GCN1: variants seen among roughly 807,000 people sequenced by gnomAD.
The protein encoded by GCN1 is stalled ribosome sensor GCN1.
Under a neutral mutation model 288.4 loss-of-function variants are expected in GCN1, and 90 were observed. The observed-to-expected ratio is 0.31, with a 90% confidence interval of 0.26 to 0.37. The LOEUF (loss-of-function observed/expected upper bound fraction) is 0.37, where lower values mean the gene tolerates loss of function less well. Ranked by LOEUF, GCN1 falls within the 10% of genes least tolerant of loss-of-function variation. The pLI is 1.00. For synonymous variants in GCN1, 1,386 were observed against 1,420.2 expected, an observed-to-expected ratio of 0.98 and a Z score of 0.54; for missense variants, 2,586 against 3,419.9, an observed-to-expected ratio of 0.76 and a Z score of 6.08.
At chr12:120,131,757 G>A (rs1212315557) in intron 54 of GCN1, among the ~76,000 whole-genome samples, 169 bp downstream of exon 54, 3 of 152,200 alleles carry the variant, frequency 2.0e-5, no homozygotes, top group African/African-American at 7.2e-5. Context: ...GGGACTACAG[G>A]TGAGTGCCAC....
rs1193650204 is a variant in GCN1, at chr12:120,157,877, G to A, written c.3059C>T (p.Pro1020Leu). 1.2e-6 allele frequency: 2 copies of A among 1,613,892 alleles called. No individual in the cohort carries two copies. Among genetic ancestry groups the A allele is most frequent in the South Asian group, 1.1e-5 (1 of 91,080 alleles). ...LTVQAQLRAS[P>L]NTPPGRVDEN... The stretch of plus-strand genomic sequence containing the variant: ...GTCCACCCGCCCGGGTGGGGTGTTG[G>A]GGGAGGCCCTCAGCTGGGCTTGGAC... The change falls in exon 26 of 58, where the codon CCC becomes CTC. Residue 1020 changes from proline (P) to leucine (L), a missense_variant. Around this residue, in one of 8 missense-constraint regions of GCN1, gnomAD observed 153 missense variants for 252.0 expected, o/e 0.61. Transcript: ENST00000300648.
chr12:120,186,815 A>G (rs1456075048), intron 2 of GCN1, among the ~76,000 whole-genome samples: 1 of 152,246 alleles, frequency 6.6e-6, no homozygotes, highest in Non-Finnish European at 1.5e-5. Flanking sequence ...TGCTATCTCC[A>G]TGTTCAAAGC....
Position 120,189,766 on chromosome 12 carries a change from ATCAGGAGT to A in GCN1, c.121+524_121+531del, listed in dbSNP as rs1241253825. 3.3e-5 allele frequency among the ~76,000 whole-genome samples: 5 copies of A among 151,860 alleles called. No individual in the cohort carries two copies. The East Asian group carries it at 9.9e-4, about 30-fold the overall frequency. Reference sequence around the variant, plus strand: ...GGCTGAGGCAGGCGGATCACTTAAGATCAGGAGTTCAGGACCAGCCTGGCCAACATGGT... The same window carrying A: ...GGCTGAGGCAGGCGGATCACTTAAGATCAGGACCAGCCTGGCCAACATGGT... On this transcript the variant is annotated intron_variant, in intron 2 of 57. Coordinates refer to ENST00000300648, the MANE Select transcript of GCN1 (RefSeq NM_006836.2).
rs1877226294 is a variant in GCN1 at position 120,142,417 on chromosome 12, G to C, written c.5829+90C>G. The C allele has an allele frequency of 2.3e-6, 2 of 861,072 alleles. No individual in the cohort carries two copies. Among genetic ancestry groups the C allele is most frequent in the African/African-American group, 3.3e-5 (2 of 60,466 alleles). The allele number at this position is 861,072 out of a possible 1,614,324, so 53.3% of individuals were successfully genotyped here. Reference sequence around the variant, plus strand: ...TCCCTCTGTTAGGCAGGGTGGATGGGTACTTTCCCAGGCTCTGCAGACCCA... The same window carrying C: ...TCCCTCTGTTAGGCAGGGTGGATGGCTACTTTCCCAGGCTCTGCAGACCCA... On this transcript the variant is annotated intron_variant, in intron 44 of 57. Coordinates refer to ENST00000300648, the MANE Select transcript of GCN1 (RefSeq NM_006836.2). The surrounding 1 kb of genome is among the most constrained non-coding windows in gnomAD (Gnocchi z 4.9).
At chr12:120,129,161 G>T in intron 57 of GCN1, 115 bp downstream of exon 57, 1 of 866,096 alleles carries the variant, frequency 1.2e-6, no homozygotes, top group Non-Finnish European at 1.9e-6. Flanking sequence ...GCTCCTGAAA[G>T]CTAGCACATC....
chr12:120,135,073 A>G (rs528262098), intron 51 of GCN1, among the ~76,000 whole-genome samples: 2 of 152,314 alleles, frequency 1.3e-5, no homozygotes, highest in African/African-American at 4.8e-5. Context: ...TACATTAACA[A>G]GCAGGGCAGA....
At chr12:120,135,255 T>C (rs570312071) in intron 51 of GCN1, among the ~76,000 whole-genome samples, 1 of 152,348 alleles carries the variant, frequency 6.6e-6, no homozygotes, top group Admixed American at 6.5e-5. Flanking sequence ...TGCACAAATG[T>C]GTACCCACCT....
intron 1 of GCN1, among the ~76,000 whole-genome samples, chr12:120,190,844 T>C (rs1290998552): frequency 2.0e-5 from 3 of 152,164 alleles, no homozygotes; most frequent in African/African-American, 2.4e-5. Context: ...CTTTACATTA[T>C]CTCACTTTAA....
chr12:120,190,206 C>T (rs1878959034), intron 2 of GCN1, 92 bp downstream of exon 2: 2 of 663,118 alleles, frequency 3.0e-6, no homozygotes, highest in Admixed American at 2.9e-5. Context: ...GCCAGGGCAA[C>T]AGTGAGAGAC....
chr12:120,170,415 G>T, intron 14 of GCN1, 94 bp from the exon 15 acceptor site: 1 of 1,074,140 alleles, frequency 9.3e-7, no homozygotes, highest in Non-Finnish European at 1.4e-6. Context: ...TGAACCAGAC[G>T]ACTAAAACCC....
Position 120,134,866 on chromosome 12 carries a change from GTCAGAGAGGCCA to G in GCN1, c.7009-152_7009-141del. 1.4e-6 allele frequency: 1 copy of G among 694,374 alleles called. No homozygotes were observed. The highest frequency in any genetic ancestry group is 1.8e-5 in the South Asian group (1 of 54,994). The allele number at this position is 694,374 out of a possible 1,614,324, so 43.0% of individuals were successfully genotyped here. A position where few individuals can be genotyped will look rare whatever the true frequency, so the allele number is the denominator to read the frequency against. ...ATACAGGGCTGGGGACAGATAGCCC[GTCAGAGAGGCCA>G]AACACAGACAGGTTTCGCTTGGCCT... is the stretch of plus-strand genomic sequence containing the variant. On this transcript the variant is annotated intron_variant, in intron 51 of 57. Transcript: ENST00000300648. The surrounding 1 kb of genome is among the most constrained non-coding windows in gnomAD (Gnocchi z 5.0).
intron 54 of GCN1, 24 bp from the exon 55 acceptor site, chr12:120,131,357 A>T: frequency 6.2e-7 from 1 of 1,611,584 alleles, no homozygotes; most frequent in Non-Finnish European, 8.5e-7. Flanking sequence ...CACGACTGGG[A>T]TCAACCGGTA....
Position 120,174,130 on chromosome 12 carries a change from G to C in GCN1, c.1133C>G (p.Ser378Cys), listed in dbSNP as rs1336598756. Reference protein sequence around the residue: ...SVSHHVVSGPSSQVLNGIVAE... With the variant: ...SVSHHVVSGPCSQVLNGIVAE... ...CACGATCCCATTCAGGACCTGACTG[G>C]AAGGTCCAGACACCACGTGATGACT... Residue 378 changes from serine to cysteine, a missense_variant, in exon 13 of 58, where the codon TCC becomes TGC. Coordinates refer to ENST00000300648, the MANE Select transcript of GCN1 (RefSeq NM_006836.2). The C allele has an allele frequency of 4.4e-6, 7 of 1,606,842 alleles. No individual in the cohort carries two copies. Among genetic ancestry groups the C allele is most frequent in the Non-Finnish European group, 5.1e-6 (6 of 1,173,402 alleles).
Position 120,134,193 on chromosome 12 carries a change from A to G in GCN1, c.7317+98T>C. On this transcript the variant is annotated intron_variant, in intron 53 of 57. Coordinates refer to ENST00000300648, the MANE Select transcript of GCN1 (RefSeq NM_006836.2). This position sits in a 1 kb window ranked among gnomAD's most constrained non-coding sequence, Gnocchi z 5.0. ...ATGTCAGGAATGCTTATTACTACTGAGCTGTACTGGTTCTAACACAAAGTG... is the reference window on the plus strand; with the variant it reads ...ATGTCAGGAATGCTTATTACTACTGGGCTGTACTGGTTCTAACACAAAGTG... 1 of 754,964 alleles carries G rather than the reference A, an allele frequency of 1.3e-6. No individual in the cohort carries two copies. Among genetic ancestry groups the G allele is most frequent in the Middle Eastern group, 2.3e-4 (1 of 4,306 alleles). 46.8% of individuals were successfully genotyped at this position (754,964 alleles called of 1,614,324 possible). A position where few individuals can be genotyped will look rare whatever the true frequency, so the allele number is the denominator to read the frequency against.
chr12:120,173,765 A>G lies in GCN1; in HGVS notation c.1254T>C (p.Thr418=), dbSNP rs1878382572. 5 of 1,613,552 alleles carry G rather than the reference A, an allele frequency of 3.1e-6. No homozygotes were observed. Among genetic ancestry groups the G allele is most frequent in the Non-Finnish European group, 4.2e-6 (5 of 1,179,430 alleles). The change falls in exon 14 of 58, where the codon ACT becomes ACC. Residue 418 remains threonine (T), a synonymous_variant. Coordinates refer to ENST00000300648, the MANE Select transcript of GCN1 (RefSeq NM_006836.2). ...SVLALWCNRF[T]MEVPKKLTEW... ...CAGTGAGCTTCTTGGGCACTTCCATAGTGAATCGGTTACACCAGAGAGCCA... is the reference window on the plus strand; with the variant it reads ...CAGTGAGCTTCTTGGGCACTTCCATGGTGAATCGGTTACACCAGAGAGCCA...
Position 120,144,508 on chromosome 12 carries a change from A to T in GCN1, c.5353-60T>A. On this transcript the variant is annotated intron_variant, in intron 41 of 57. Coordinates refer to ENST00000300648, the MANE Select transcript of GCN1 (RefSeq NM_006836.2). This position sits in a 1 kb window ranked among gnomAD's most constrained non-coding sequence, Gnocchi z 4.7. ...CACCCCCAGGCCCCCAGCCCAAAAA[A>T]CATGGGGCTCACTGAAGGCTGAGGG... 1 of 1,583,932 alleles carries T rather than the reference A, an allele frequency of 6.3e-7. No homozygotes were observed. The highest frequency in any genetic ancestry group is 2.2e-5 in the East Asian group (1 of 44,562).
Position 120,137,416 on chromosome 12 carries a change from A to C in GCN1, c.6664-97T>G. 1 of 1,401,294 alleles carries C rather than the reference A, an allele frequency of 7.1e-7. No individual in the cohort carries two copies. The allele number at this position is 1,401,294 out of a possible 1,614,324, so 86.8% of individuals were successfully genotyped here. ...AAGCGTGGGCGGGAGTATAAACAAG[A>C]CTTGCCACGAGTGGGTAAACGCCGA... is the stretch of plus-strand genomic sequence containing the variant. On this transcript the variant is annotated intron_variant, in intron 49 of 57. Coordinates refer to ENST00000300648, the MANE Select transcript of GCN1 (RefSeq NM_006836.2). This position sits in a 1 kb window ranked among gnomAD's most constrained non-coding sequence, Gnocchi z 5.2.
In GCN1 at chr12:120,156,492, G is replaced by A. The variant is rs1334207192; in HGVS notation, c.3281C>T (p.Pro1094Leu). The change falls in exon 28 of 58, where the codon CCG (proline) becomes CTG (leucine). Residue 1094 changes from proline (P) to leucine (L), a missense_variant. Pro to Leu is a moderately conservative substitution (Grantham distance 98). This residue lies in a region of GCN1 where 332 missense variants were observed against 403.0 expected (regional missense o/e 0.82). Coordinates refer to ENST00000300648, the MANE Select transcript of GCN1 (RefSeq NM_006836.2). The surrounding 1 kb of genome is among the most constrained non-coding windows in gnomAD (Gnocchi z 5.8). ...VDVLLCALQS[P>L]CASVRETVLR... is the part of the protein sequence containing the mutation. ...CACGGTTTCCCGCACGCTGGCACAC[G>A]GGGACTGCAAGGCACAGAGCAGCAC... 1.9e-6 allele frequency: 3 copies of A among 1,613,712 alleles called. No homozygotes were observed. The highest frequency in any genetic ancestry group is 1.7e-6 in the Non-Finnish European group (2 of 1,179,896).
At chr12:120,128,279 C>T (rs958531328) in intron 57 of GCN1, among the ~76,000 whole-genome samples, 4 of 151,888 alleles carry the variant, frequency 2.6e-5, no homozygotes, top group South Asian at 4.1e-4. Flanking sequence ...CATGAGCCAT[C>T]GCACCTGGCC....
Sources: gnomAD v4.1 joint callset for allele counts (sites outside exome capture counted in the v4.1 genomes callset) on GRCh38, gnomAD v4.1.1 for gene constraint, gnomAD v4.1.1 regional missense constraint, Gnocchi (gnomAD v3.1) non-coding constraint, MANE v1.5 for transcripts, NCBI Gene and HGNC (gene_info 2026-07-23, HGNC 2026-07-21) for gene names.